Variants in DMXL1 observed in about 807,000 individuals in gnomAD.
DMXL1 encodes the protein Dmx like 1.
Under a neutral mutation model 319.2 loss-of-function variants are expected in DMXL1, and 99 were observed. That is an observed-to-expected ratio of 0.31 (90% confidence interval 0.26 to 0.37). The LOEUF is 0.37. Ranked by LOEUF, DMXL1 falls within the 10% of genes least tolerant of loss-of-function variation. DMXL1 has a pLI of 1.00. For synonymous variants in DMXL1, 1,385 were observed against 1,235.2 expected, an observed-to-expected ratio of 1.12 and a Z score of -2.54; for missense variants, 3,745 against 3,595.6, an observed-to-expected ratio of 1.04 and a Z score of -1.06.
intron 4 of DMXL1, among the ~76,000 whole-genome samples, chr5:119,109,086 C>T (rs1024375065): frequency 1.3e-5 from 2 of 152,180 alleles, no homozygotes; most frequent in African/African-American, 4.8e-5. Flanking sequence ...CAGGTGTGAG[C>T]CACCGTGCCT....
At chr5:119,145,459 ACT>A (rs1171318570) in intron 15 of DMXL1, among the ~76,000 whole-genome samples, 1 of 151,774 alleles carries the variant, frequency 6.6e-6, no homozygotes, top group East Asian at 1.9e-4. Context: ...GTTTTTTAAA[ACT>A]CTGAACATGT....
chr5:119,170,793 G>T lies in DMXL1; in HGVS notation c.6002G>T (p.Ser2001Ile). ...RKTDKKLDDI[S>I]SNYTESFSTL... ...ACAGATAAAAAGTTGGATGACATAA[G>T]TTCTAACTACACAGAATCTTTCAGC... The change falls in exon 24 of 44, where the codon AGT (serine) becomes ATT (isoleucine). Residue 2001 changes from serine to isoleucine, a missense_variant. Ser to Ile is a moderately radical substitution (Grantham distance 142, BLOSUM62 -2). Transcript: ENST00000539542. 6.2e-7 allele frequency: 1 copy of T among 1,611,648 alleles called. No homozygotes were observed. Among genetic ancestry groups the T allele is most frequent in the Non-Finnish European group, 8.5e-7 (1 of 1,179,528 alleles).
chr5:119,132,402 C>T (rs1042107428), intron 10 of DMXL1, among the ~76,000 whole-genome samples: 7 of 152,148 alleles, frequency 4.6e-5, no homozygotes, highest in Non-Finnish European at 5.9e-5. Flanking sequence ...ATAACTTGGC[C>T]GGGCACAGTG....
chr5:119,138,525 GGT>G (rs1307305862), intron 13 of DMXL1, among the ~76,000 whole-genome samples: 1 of 152,142 alleles, frequency 6.6e-6, no homozygotes, highest in African/African-American at 2.4e-5. Context: ...GATTGCCAAG[GGT>G]GAGACTATAG....
intron 12 of DMXL1, 31 bp downstream of exon 12, chr5:119,134,209 T>A: frequency 6.2e-7 from 1 of 1,606,632 alleles, no homozygotes; most frequent in Admixed American, 1.7e-5. Context: ...TACAGTAATT[T>A]AGATTTGCTG....
In DMXL1 at chr5:119,244,427, G is replaced by T; in HGVS notation, c.8773G>T (p.Gly2925Cys). ...YAPKHQLLIS[G>C]GRKGFTYVFD... Reference sequence around the variant, plus strand: ...TCCAAAACATCAGCTACTAATATCAGGTGGCAGAAAAGGTTTTACATATGT... The same window carrying T: ...TCCAAAACATCAGCTACTAATATCATGTGGCAGAAAAGGTTTTACATATGT... The change falls in exon 43 of 44, where the codon GGT becomes TGT. Residue 2925 changes from glycine (G) to cysteine (C), a missense_variant. Transcript: ENST00000539542. 1.2e-6 allele frequency: 2 copies of T among 1,614,000 alleles called. No homozygotes were observed. Among genetic ancestry groups the T allele is most frequent in the East Asian group, 2.2e-5 (1 of 44,864 alleles).
intron 34 of DMXL1, among the ~76,000 whole-genome samples, chr5:119,210,757 GTTT>G: frequency 2.2e-5 from 2 of 89,770 alleles, no homozygotes; most frequent in Non-Finnish European, 4.2e-5. Context: ...TTTTTCTTTC[GTTT>G]TTTTTTTTTT....
intron 25 of DMXL1, among the ~76,000 whole-genome samples, chr5:119,174,396 G>A (rs78870820): frequency 1.3e-5 from 2 of 152,272 alleles, no homozygotes; most frequent in Non-Finnish European, 2.9e-5. Flanking sequence ...GGAGAAGTAC[G>A]TCCAACTCTC....
chr5:119,172,364 C>T (rs1397375500), intron 25 of DMXL1, among the ~76,000 whole-genome samples: 2 of 151,954 alleles, frequency 1.3e-5, no homozygotes, highest in African/African-American at 4.8e-5. Flanking sequence ...TAAAGAAATC[C>T]ACATTTTAAG....
At chr5:119,082,020 T>TATATAC (rs1200957102) in intron 1 of DMXL1, among the ~76,000 whole-genome samples, 7,843 of 107,862 alleles carry the variant, frequency 0.073, 352 homozygotes, top group Non-Finnish European at 0.11. Flanking sequence ...TATATATATA[T>TATATAC]ACACACACAC....
chr5:119,088,216 A>G (rs1187034207), intron 1 of DMXL1, among the ~76,000 whole-genome samples: 5 of 152,276 alleles, frequency 3.3e-5, no homozygotes, highest in African/African-American at 9.6e-5. Context: ...TTGTCTCTTT[A>G]TAGTCTGTCT....
intron 28 of DMXL1, among the ~76,000 whole-genome samples, chr5:119,188,160 G>C (rs542343902): frequency 6.6e-6 from 1 of 152,034 alleles, no homozygotes; most frequent in African/African-American, 2.4e-5. Context: ...AAGAAAAAAA[G>C]AAAACTATTT....
intron 24 of DMXL1, 55 bp from the exon 25 acceptor site, chr5:119,171,723 A>G: frequency 7.1e-7 from 1 of 1,405,918 alleles, no homozygotes; most frequent in Non-Finnish European, 9.6e-7. Flanking sequence ...TTACTGAAGT[A>G]ATGGTTTGTA....
intron 2 of DMXL1, among the ~76,000 whole-genome samples, chr5:119,101,298 A>C (rs990663219): frequency 4.6e-5 from 7 of 151,790 alleles, no homozygotes; most frequent in Middle Eastern, 3.4e-3. Context: ...TCTTTACTAC[A>C]TCATATGTTT....
intron 2 of DMXL1, among the ~76,000 whole-genome samples, chr5:119,099,004 T>C (rs1382479956): frequency 2.0e-5 from 3 of 152,012 alleles, no homozygotes; most frequent in African/African-American, 7.2e-5. Context: ...ATAAAACGAG[T>C]TTCTGTTTTC....
At chr5:119,160,102 C>T (rs1771957255) in intron 19 of DMXL1, among the ~76,000 whole-genome samples, 2 of 151,508 alleles carry the variant, frequency 1.3e-5, no homozygotes, top group South Asian at 4.2e-4. Context: ...AATTTTTGTT[C>T]CTTGATGTAT....
intron 10 of DMXL1, among the ~76,000 whole-genome samples, chr5:119,132,406 C>A (rs1765110771): frequency 6.6e-6 from 1 of 152,150 alleles, no homozygotes; most frequent in African/African-American, 2.4e-5. Context: ...CTTGGCCGGG[C>A]ACAGTGGCTC....
At chr5:119,076,611 ATAG>A (rs1415263601) in intron 1 of DMXL1, among the ~76,000 whole-genome samples, 1 of 152,212 alleles carries the variant, frequency 6.6e-6, no homozygotes, top group Non-Finnish European at 1.5e-5. Context: ...CATTGAAATG[ATAG>A]TAGTTCTCAA....
chr5:119,165,142 A>G (rs1241068984), intron 20 of DMXL1, 41 bp from the exon 21 acceptor site: 2 of 1,262,100 alleles, frequency 1.6e-6, no homozygotes, highest in South Asian at 1.3e-5. Flanking sequence ...CTTGTTCAAA[A>G]CTGTTTCTGT....
Sources: allele counts gnomAD v4.1 joint callset (sites outside exome capture counted in the v4.1 genomes callset), GRCh38; gene constraint gnomAD v4.1.1; transcripts MANE v1.5; gene names NCBI Gene and HGNC (gene_info 2026-07-23, HGNC 2026-07-21).